SIRT3: variants seen among roughly 807,000 people sequenced by gnomAD.
SIRT3 encodes sirtuin 3.
SIRT3 carries 26 observed loss-of-function variants against 33.5 expected under a neutral mutation model. That is an observed-to-expected ratio of 0.78 (90% CI 0.57 to 1.08). The LOEUF (loss-of-function observed/expected upper bound fraction) is 1.08. Among genes scored for constraint, SIRT3 ranks in the 50% least tolerant of loss-of-function variants. The pLI is 0.00. For missense variants in SIRT3, 585 were observed against 530.1 expected, an observed-to-expected ratio of 1.10 and a Z score of -1.02; for synonymous variants, 237 against 222.1, an observed-to-expected ratio of 1.07 and a Z score of -0.60.
rs1026081869 is a variant in SIRT3 at position 223,351 on chromosome 11, C to A, written c.969+727G>T. ...CCCTGACCTTACAGACCAAGCCAGA[C>A]GCCTCCTTCTCACGTCCCCAAAACA... On this transcript the variant is annotated intron_variant, in intron 5 of 6. Coordinates refer to ENST00000382743, the MANE Select transcript of SIRT3 (RefSeq NM_012239.6). The surrounding 1 kb of genome is among the most constrained non-coding windows in gnomAD (Gnocchi z 4.8). The A allele has an allele frequency of 9.3e-6, 2 of 214,922 alleles. No homozygotes were observed. Among genetic ancestry groups the A allele is most frequent in the African/African-American group, 2.3e-5 (1 of 44,106 alleles). 13.3% of individuals were successfully genotyped at this position (214,922 alleles called of 1,614,324 possible). A position where few individuals can be genotyped will look rare whatever the true frequency, so the allele number is the denominator to read the frequency against.
chr11:227,994 G>A (rs145871765), intron 4 of SIRT3, among the ~76,000 whole-genome samples: 27 of 152,230 alleles, frequency 1.8e-4, no homozygotes, highest in African/African-American at 5.3e-4. Context: ...TGCCTCCCAT[G>A]ATCGTCAGGA....
chr11:232,946 G>A (rs2133936233), intron 3 of SIRT3, 37 bp downstream of exon 3: 3 of 1,596,006 alleles, frequency 1.9e-6, no homozygotes, highest in East Asian at 2.2e-5. Flanking sequence ...AGCCTCCGTG[G>A]GAGAAAAAGA....
upstream of SIRT3, chr11:236,869 T>C (rs1475137506): frequency 1.6e-5 from 10 of 615,384 alleles, no homozygotes; most frequent in Non-Finnish European, 2.3e-5. Context: ...CGGAGAGTTT[T>C]GTCCGGAGCG....
At chr11:220,386 ATTAT>A (rs1442915888) in intron 5 of SIRT3, among the ~76,000 whole-genome samples, 1 of 150,486 alleles carries the variant, frequency 6.6e-6, no homozygotes, top group Non-Finnish European at 1.5e-5. Flanking sequence ...ATGTAATTAT[ATTAT>A]TTAATTTATA....
At position 218,847 on chromosome 11, in the gene SIRT3, C is replaced by T. The variant is rs1400782549; in HGVS notation, c.1164G>A (p.Gln388=). ...GWTEEMRDLV[Q]RETGKLDGPD... ...CAGTCTGTACCTTCCCAGTTTCCCG[C>T]TGCACAAGGTCCCGCATCTCTTCTG... The change falls in exon 6 of 7, where the codon CAG becomes CAA. Residue 388 remains glutamine (Q), a synonymous_variant. Transcript: ENST00000382743. 1 of 1,614,208 alleles carries T rather than the reference C, an allele frequency of 6.2e-7. No homozygotes were observed.
chr11:230,495 G>A lies in SIRT3; in HGVS notation c.764C>T (p.Thr255Ile). 1 of 1,540,124 alleles carries A rather than the reference G, an allele frequency of 6.5e-7. No homozygotes were observed. The highest frequency in any genetic ancestry group is 2.6e-5 in the East Asian group (1 of 39,006). Residue 255 changes from threonine to isoleucine, a missense_variant, in exon 4 of 7, where the codon ACC becomes ATC. Physicochemically the swap from Thr to Ile is moderately conservative, Grantham distance 89 (BLOSUM62 -1). Coordinates refer to ENST00000382743, the MANE Select transcript of SIRT3 (RefSeq NM_012239.6). ...GAAGGGTCTTTGGCAGACTGTGCAG[G>A]TGGCAGAGGCAAAGGTTCCATGAGC... ...VEAHGTFASA[T>I]CTVCQRPFPG... is the part of the protein sequence containing the mutation.
chr11:232,129 T>C lies in SIRT3; in HGVS notation c.706+854A>G, dbSNP rs1858128009. Among the ~76,000 whole-genome samples the C allele has an allele frequency of 3.3e-5, 5 of 152,088 alleles. No homozygotes were observed. In the South Asian group the frequency reaches 1.0e-3, roughly 32 times the overall value. ...TTTTAATTATTTTTATTTTTATTTA[T>C]TTTTTTGAGACAGAATCTCCCTCTG... is the stretch of plus-strand genomic sequence containing the variant. On this transcript the variant is annotated intron_variant, in intron 3 of 6. Coordinates refer to ENST00000382743, the MANE Select transcript of SIRT3 (RefSeq NM_012239.6).
At position 236,272 on chromosome 11, in the gene SIRT3, A is replaced by C. The variant is rs567138622; in HGVS notation, c.57T>G (p.Val19=). The change falls in exon 1 of 7, where the codon GTT becomes GTG. Residue 19 remains valine, a synonymous_variant. Coordinates refer to ENST00000382743, the MANE Select transcript of SIRT3 (RefSeq NM_012239.6). ...CGCCTCCCCCGGCCTCGACCCGTTC[A>C]ACTACCCGGCCCCACAGCCGGAGGG... ...AAALRLWGRV[V]ERVEAGGGVG... is the part of the protein sequence containing the mutation. 3 of 1,541,198 alleles carry C rather than the reference A, an allele frequency of 1.9e-6. No homozygotes were observed. In the East Asian group the frequency reaches 7.4e-5, roughly 38 times the overall value.
chr11:236,240 G>T lies in SIRT3; in HGVS notation c.89C>A (p.Pro30Gln). ...CAGCCGACAGCCGCAGGCCTGAAAC[G>T]GCCCCACGCCTCCCCCGGCCTCGAC... ...ERVEAGGGVG[P>Q]FQACGCRLVL... Residue 30 changes from proline to glutamine, a missense_variant, in exon 1 of 7, where the codon CCG becomes CAG. By Grantham distance (76) the Pro-to-Gln change is moderately conservative. Transcript: ENST00000382743. 6.4e-7 allele frequency: 1 copy of T among 1,553,698 alleles called. No individual in the cohort carries two copies. Among genetic ancestry groups the T allele is most frequent in the Non-Finnish European group, 8.7e-7 (1 of 1,153,414 alleles).
At chr11:225,184 T>C (rs1292583784) in intron 4 of SIRT3, among the ~76,000 whole-genome samples, 2 of 151,258 alleles carry the variant, frequency 1.3e-5, no homozygotes, top group Non-Finnish European at 2.9e-5. Context: ...GAGGCCGAGG[T>C]GGGCAGATCA....
chr11:224,109 T>C lies in SIRT3; in HGVS notation c.938A>G (p.Asp313Gly), dbSNP rs1856829987. 1.9e-6 allele frequency: 3 copies of C among 1,614,080 alleles called. No individual in the cohort carries two copies. The highest frequency in any genetic ancestry group is 1.7e-5 in the Admixed American group (1 of 60,012). ...LLHVVDFPMA[D>G]LLLILGTSLE... ...GGAGGTCCCAAGGATGAGCAGCAGA[T>C]CTGCCATGGGGAAATCAACCACATG... is the stretch of plus-strand genomic sequence containing the variant. Residue 313 changes from aspartate to glycine, a missense_variant, in exon 5 of 7, where the codon GAT (aspartate) becomes GGT (glycine). By Grantham distance (94) the Asp-to-Gly change is moderately conservative. Coordinates refer to ENST00000382743, the MANE Select transcript of SIRT3 (RefSeq NM_012239.6).
In SIRT3 at chr11:223,119, T is replaced by C. The variant is rs3782116; in HGVS notation, c.969+959A>G. 0.73 allele frequency: 112,545 copies of C among 153,170 alleles called. 41,778 individuals are homozygous for C. The highest frequency in any genetic ancestry group is 0.84 in the African/African-American group (34,735 of 41,452). The allele number at this position is 153,170 out of a possible 1,614,324, so 9.5% of individuals were successfully genotyped here. A position where few individuals can be genotyped will look rare whatever the true frequency, so the allele number is the denominator to read the frequency against. ...AGCACAGGTCTTTCTGGCCCTTCTG[T>C]CCTCGGTGCCTACATCCAGTCACGC... On this transcript the variant is annotated intron_variant, in intron 5 of 6. Transcript: ENST00000382743. The surrounding 1 kb of genome is among the most constrained non-coding windows in gnomAD (Gnocchi z 4.8).
upstream of SIRT3, chr11:236,783 G>A (rs191167761): frequency 1.9e-6 from 1 of 536,592 alleles, no homozygotes; most frequent in South Asian, 2.2e-5. Context: ...GTCCGTAGCG[G>A]GTTCGACCAC....
In SIRT3 at chr11:224,133, T is replaced by C. The variant is rs1231118539; in HGVS notation, c.914A>G (p.His305Arg). Reference sequence around the variant, plus strand: ...ATCTGCCATGGGGAAATCAACCACATGCAGCAAGAACCTCTGGGGCAGCGG... The same window carrying C: ...ATCTGCCATGGGGAAATCAACCACACGCAGCAAGAACCTCTGGGGCAGCGG... ...GEPLPQRFLL[H>R]VVDFPMADLL... Residue 305 changes from histidine (H) to arginine (R), a missense_variant, in exon 5 of 7, where the codon CAT becomes CGT. By Grantham distance (29) the His-to-Arg change is conservative. Coordinates refer to ENST00000382743, the MANE Select transcript of SIRT3 (RefSeq NM_012239.6). 1 of 1,614,188 alleles carries C rather than the reference T, an allele frequency of 6.2e-7. No individual in the cohort carries two copies. The highest frequency in any genetic ancestry group is 8.5e-7 in the Non-Finnish European group (1 of 1,180,052).
chr11:235,635 A>G (rs1175175431), intron 1 of SIRT3, among the ~76,000 whole-genome samples: 1 of 152,200 alleles, frequency 6.6e-6, no homozygotes, highest in Non-Finnish European at 1.5e-5. Context: ...TTTCCTATGT[A>G]GCCTCAGTTC....
rs918463391 is a variant in SIRT3, at chr11:221,763, C to T, written c.969+2315G>A. On this transcript the variant is annotated intron_variant, in intron 5 of 6. Transcript: ENST00000382743. The stretch of plus-strand genomic sequence containing the variant: ...GGACCTCATATCCGTGTAAGGGAAA[C>T]TGTTGGCATTAACAACGCAGCACAT... Among the ~76,000 whole-genome samples, 52 of 152,218 alleles carry T rather than the reference C, an allele frequency of 3.4e-4. 1 individual carries two copies. The highest frequency in any genetic ancestry group is 1.3e-3 in the African/African-American group (52 of 41,456).
chr11:222,936 T>C (rs3782117), intron 5 of SIRT3: 24,361 of 152,274 alleles, frequency 0.16, 2,438 homozygotes, highest in Middle Eastern at 0.22. Context: ...CTACTTGTTA[T>C]CTTTCTCATA....
chr11:216,661 C>A lies in SIRT3; in HGVS notation c.*37G>T, dbSNP rs145459564. 1.4e-4 allele frequency: 223 copies of A among 1,613,252 alleles called. No homozygotes were observed. In the African/African-American group the frequency reaches 2.7e-3, roughly 20 times the overall value. On this transcript the variant is annotated 3_prime_UTR_variant, in exon 7 of 7. Transcript: ENST00000382743. ...GTCAGAATTGGGATGTGGATGTCTC[C>A]TATGTTACCATTTATTGTGTGGGGG...
chr11:227,009 C>T (rs1564810199), intron 4 of SIRT3, among the ~76,000 whole-genome samples: 1 of 151,816 alleles, frequency 6.6e-6, no homozygotes, highest in Non-Finnish European at 1.5e-5. Context: ...CACCCGGCCT[C>T]CCAAAGTACT....
Sources: allele counts gnomAD v4.1 joint callset (sites outside exome capture counted in the v4.1 genomes callset), GRCh38; gene constraint gnomAD v4.1.1; non-coding constraint Gnocchi (gnomAD v3.1); transcripts MANE v1.5; gene names NCBI Gene and HGNC (gene_info 2026-07-23, HGNC 2026-07-21).